Variants in AACS observed in about 807,000 individuals in gnomAD.
The protein encoded by AACS is acetoacetyl-CoA synthetase.
AACS carries 69 observed loss-of-function variants against 83.1 expected under a neutral mutation model. The observed-to-expected ratio is 0.83, with a 90% CI of 0.68 to 1.01. The LOEUF (loss-of-function observed/expected upper bound fraction) is 1.01, where lower values mean the gene tolerates loss of function less well. Among genes scored for constraint, AACS ranks in the 50% least tolerant of loss-of-function variants. AACS has a pLI of 0.00. For synonymous variants in AACS, 333 were observed against 343.4 expected, an observed-to-expected ratio of 0.97 and a Z score of 0.33; for missense variants, 866 against 882.2, an observed-to-expected ratio of 0.98 and a Z score of 0.23.
intron 4 of AACS, among the ~76,000 whole-genome samples, chr12:125,090,037 C>T (rs1236414926): frequency 4.0e-5 from 6 of 151,036 alleles, no homozygotes; most frequent in African/African-American, 1.5e-4. Context: ...ACATTCTTCT[C>T]TCCACCTACC....
At chr12:125,098,392 TAA>T (rs547788191) in intron 5 of AACS, among the ~76,000 whole-genome samples, 2 of 143,106 alleles carry the variant, frequency 1.4e-5, no homozygotes, top group Admixed American at 6.9e-5. Context: ...GAACCCTGTC[TAA>T]AAAAAAAAAA....
At chr12:125,068,163 G>C (rs1955756555) in intron 1 of AACS, among the ~76,000 whole-genome samples, 1 of 152,150 alleles carries the variant, frequency 6.6e-6, no homozygotes, top group Non-Finnish European at 1.5e-5. Context: ...GCATTTAAAA[G>C]TTAGGAGAGG....
chr12:125,075,844 G>A (rs1339495668), intron 2 of AACS, among the ~76,000 whole-genome samples: 7 of 151,400 alleles, frequency 4.6e-5, no homozygotes, highest in Non-Finnish European at 7.4e-5. Context: ...CGCCTGCCTC[G>A]GCCTCCCAAA....
At chr12:125,079,559 T>TA (rs1479530019) in intron 3 of AACS, among the ~76,000 whole-genome samples, 1 of 151,930 alleles carries the variant, frequency 6.6e-6, no homozygotes, top group Non-Finnish European at 1.5e-5. Context: ...TTTTTTTTTT[T>TA]AAGTTTTTTT....
chr12:125,065,697 C>A lies in AACS; in HGVS notation c.113C>A (p.Ala38Asp). The A allele has an allele frequency of 6.5e-7, 1 of 1,539,784 alleles. No homozygotes were observed. Among genetic ancestry groups the A allele is most frequent in the East Asian group, 2.5e-5 (1 of 39,660 alleles). ...QMDRFRAAVG[A>D]ACGLALESYD... ...GACCGCTTCCGGGCGGCTGTGGGCGCCGCCTGCGGCCTGGCGCTGGGTGAG... is the reference window on the plus strand; with the variant it reads ...GACCGCTTCCGGGCGGCTGTGGGCGACGCCTGCGGCCTGGCGCTGGGTGAG... Residue 38 changes from alanine (A) to aspartate (D), a missense_variant, in exon 1 of 18, where the codon GCC (alanine) becomes GAC (aspartate). Coordinates refer to ENST00000316519, the MANE Select transcript of AACS (RefSeq NM_023928.5).
At chr12:125,100,912 T>G (rs1430795744) in intron 5 of AACS, 1 of 152,264 alleles carries the variant, frequency 6.6e-6, no homozygotes, top group Non-Finnish European at 1.5e-5. Context: ...GTTATCCTAA[T>G]GAGCTTAATT....
rs1169565421 is a variant in AACS at position 125,124,573 on chromosome 12, A to G, written c.1122-132A>G. Reference sequence around the variant, plus strand: ...ACTCAGACTCGAGTAAACATGAAGTATGAGTTCAACCCAGAAAACTGCTCT... The same window carrying G: ...ACTCAGACTCGAGTAAACATGAAGTGTGAGTTCAACCCAGAAAACTGCTCT... On this transcript the variant is annotated intron_variant, in intron 10 of 17. Coordinates refer to ENST00000316519, the MANE Select transcript of AACS (RefSeq NM_023928.5). The G allele has an allele frequency of 3.1e-6, 3 of 966,496 alleles. No homozygotes were observed. In the East Asian group the frequency reaches 7.7e-5, roughly 25 times the overall value. 59.9% of individuals were successfully genotyped at this position (966,496 alleles called of 1,614,324 possible).
chr12:125,118,826 G>A, intron 10 of AACS, 61 bp downstream of exon 10: 1 of 1,597,442 alleles, frequency 6.3e-7, no homozygotes. Flanking sequence ...GGCTCCTTGG[G>A]ATCAGATGCA....
intron 7 of AACS, chr12:125,105,619 T>C (rs762881032): frequency 1.5e-4 from 23 of 152,210 alleles, no homozygotes; most frequent in African/African-American, 3.1e-4. Flanking sequence ...AGCAGAATCA[T>C]GTTAGCCACT....
rs577564672 is a variant in AACS, at chr12:125,097,171, C to G, written c.571-5508C>G. On this transcript the variant is annotated intron_variant, in intron 5 of 17. Transcript: ENST00000316519. The surrounding 1 kb of genome is among the most constrained non-coding windows in gnomAD (Gnocchi z 4.3). ...GCAGACTCGGCCTGTTGCTGCTGGA[C>G]TCCTGGGGGGCACCATTTTGGGGCT... 6.6e-6 allele frequency among the ~76,000 whole-genome samples: 1 copy of G among 152,266 alleles called. No individual in the cohort carries two copies. The highest frequency in any genetic ancestry group is 2.1e-4 in the South Asian group (1 of 4,824).
chr12:125,074,780 C>T (rs1955975773), intron 2 of AACS, among the ~76,000 whole-genome samples: 1 of 149,556 alleles, frequency 6.7e-6, no homozygotes, highest in Non-Finnish European at 1.5e-5. Context: ...TCTCCTGCCT[C>T]AGCCTCCTGA....
intron 3 of AACS, among the ~76,000 whole-genome samples, chr12:125,079,789 G>C (rs565650692): frequency 1.3e-5 from 2 of 152,120 alleles, no homozygotes; most frequent in Non-Finnish European, 2.9e-5. Context: ...AGGTTATGCA[G>C]CCACCACCCC....
At position 125,108,639 on chromosome 12, in the gene AACS, G is replaced by C. The variant is rs117515625; in HGVS notation, c.915+1371G>C. The stretch of plus-strand genomic sequence containing the variant: ...CTATGCAATAGAATGTATATGTATA[G>C]GTTAGTGACTTTTAACCTGTTATTT... On this transcript the variant is annotated intron_variant, in intron 8 of 17. Coordinates refer to ENST00000316519, the MANE Select transcript of AACS (RefSeq NM_023928.5). Among the ~76,000 whole-genome samples the C allele has an allele frequency of 2.8e-3, 429 of 152,112 alleles. 3 individuals carry two copies. The highest frequency in any genetic ancestry group is 9.4e-3 in the East Asian group (49 of 5,188).
rs1035164665 is a variant in AACS at position 125,113,275 on chromosome 12, A to G, written c.916-1202A>G. The stretch of plus-strand genomic sequence containing the variant: ...GGCCTTCATGGCTGGGTTTTAATAT[A>G]TAAGTCCTTGCTTCAGCCTTCTAGG... On this transcript the variant is annotated intron_variant, in intron 8 of 17. Transcript: ENST00000316519. This position sits in a 1 kb window ranked among gnomAD's most constrained non-coding sequence, Gnocchi z 4.8. Among the ~76,000 whole-genome samples, 1 of 152,220 alleles carries G rather than the reference A, an allele frequency of 6.6e-6. No homozygotes were observed. The highest frequency in any genetic ancestry group is 1.5e-5 in the Non-Finnish European group (1 of 68,026).
At chr12:125,118,906 C>T (rs1179546488) in intron 10 of AACS, 141 bp downstream of exon 10, 11 of 1,278,002 alleles carry the variant, frequency 8.6e-6, no homozygotes, top group Non-Finnish European at 1.0e-5. Flanking sequence ...CGCCCCCTCT[C>T]CAAGAGGAGG....
rs1241055987 is a variant in AACS, at chr12:125,077,258, T to G, written c.358+647T>G. Among the ~76,000 whole-genome samples the G allele has an allele frequency of 3.3e-5, 5 of 151,898 alleles. No homozygotes were observed. In the South Asian group the frequency reaches 1.0e-3, roughly 32 times the overall value. ...AATTTATTATTATTTTTAAATTGTGTGTTCCACTTTGGGAGGCCAAGGTGG... is the reference window on the plus strand; with the variant it reads ...AATTTATTATTATTTTTAAATTGTGGGTTCCACTTTGGGAGGCCAAGGTGG... On this transcript the variant is annotated intron_variant, in intron 3 of 17. Coordinates refer to ENST00000316519, the MANE Select transcript of AACS (RefSeq NM_023928.5).
chr12:125,116,178 G>A (rs73231670), intron 9 of AACS, among the ~76,000 whole-genome samples: 9,587 of 152,038 alleles, frequency 0.063, 367 homozygotes, highest in African/African-American at 0.1. Context: ...ATTTCAGGGC[G>A]GGAAGCCCGG....
chr12:125,136,994 A>G, intron 17 of AACS, 130 bp downstream of exon 17: 2 of 861,704 alleles, frequency 2.3e-6, no homozygotes, highest in South Asian at 1.7e-5. Flanking sequence ...TAGCAACGCC[A>G]TCCTCTCCCT....
Position 125,134,083 on chromosome 12 carries a change from C to G in AACS, c.1619+11C>G, listed in dbSNP as rs200615332. 8 of 1,612,988 alleles carry G rather than the reference C, an allele frequency of 5.0e-6. No homozygotes were observed. The highest frequency in any genetic ancestry group is 6.8e-6 in the Non-Finnish European group (8 of 1,179,682). Reference sequence around the variant, plus strand: ...CATGCTTGGCCGGAGGTAAGGGCTGCAGAGTCGGCTTCTCTTTCCTGGAGC... The same window carrying G: ...CATGCTTGGCCGGAGGTAAGGGCTGGAGAGTCGGCTTCTCTTTCCTGGAGC... On this transcript the variant is annotated intron_variant, in intron 15 of 17. Coordinates refer to ENST00000316519, the MANE Select transcript of AACS (RefSeq NM_023928.5).
Sources: allele counts gnomAD v4.1 joint callset (sites outside exome capture counted in the v4.1 genomes callset), GRCh38; gene constraint gnomAD v4.1.1; non-coding constraint Gnocchi (gnomAD v3.1); transcripts MANE v1.5; gene names NCBI Gene and HGNC (gene_info 2026-07-23, HGNC 2026-07-21).